The following PCDH9 variants were observed in gnomAD, a reference collection of about 807,000 sequenced individuals.
The protein encoded by PCDH9 is protocadherin-9.
Under a neutral mutation model 70.6 loss-of-function variants are expected in PCDH9, and 24 were observed. That is an observed-to-expected ratio of 0.34 (90% CI 0.25 to 0.48). The LOEUF is 0.48. Ranked by LOEUF, PCDH9 falls within the 20% of genes least tolerant of loss-of-function variation. PCDH9 has a pLI of 0.99. For missense variants in PCDH9, 1,281 were observed against 1,503.6 expected (o/e 0.85, Z 2.45); for synonymous variants, 562 against 558.5 (o/e 1.01, Z -0.09).
intron 4 of PCDH9, among the ~76,000 whole-genome samples, chr13:66,398,533 A>G (rs1286207646): frequency 6.6e-6 from 1 of 152,156 alleles, no homozygotes; most frequent in East Asian, 1.9e-4. Flanking sequence ...GATATGTTAA[A>G]TTGGTATTTC....
intron 2 of PCDH9, among the ~76,000 whole-genome samples, chr13:67,134,900 TGTTG>T (rs1424744122): frequency 5.3e-5 from 8 of 152,088 alleles, no homozygotes; most frequent in Admixed American, 4.6e-4. Context: ...AGTCACGCTG[TGTTG>T]GTTGATTTTT....
chr13:66,535,173 C>A (rs1448129170), intron 4 of PCDH9, among the ~76,000 whole-genome samples: 1 of 151,940 alleles, frequency 6.6e-6, no homozygotes, highest in East Asian at 1.9e-4. Context: ...AAATTATATT[C>A]TTCAGAACAT....
intron 4 of PCDH9, among the ~76,000 whole-genome samples, chr13:66,395,832 C>CT (rs1311377081): frequency 2.0e-5 from 3 of 151,942 alleles, no homozygotes; most frequent in African/African-American, 4.8e-5. Flanking sequence ...CTTATAGTAT[C>CT]TTTTTTTGTG....
In PCDH9 at chr13:66,304,808, G is replaced by A; in HGVS notation, c.3561C>T (p.Ser1187=). Residue 1187 remains serine, a synonymous_variant, in exon 5 of 5, where the codon AGC becomes AGT. Coordinates refer to ENST00000377865, the MANE Select transcript of PCDH9 (RefSeq NM_203487.3). ...HTLTRAWKED[S]NRNQFNDRKQ... is the part of the protein sequence containing the mutation. ...TACGGTCATTGAACTGGTTCCTGTTGCTGTCTTCTTTCCAGGCTCTGGTCA... is the reference window on the plus strand; with the variant it reads ...TACGGTCATTGAACTGGTTCCTGTTACTGTCTTCTTTCCAGGCTCTGGTCA... 6.2e-7 allele frequency: 1 copy of A among 1,613,502 alleles called. No individual in the cohort carries two copies. Among genetic ancestry groups the A allele is most frequent in the East Asian group, 2.2e-5 (1 of 44,846 alleles).
chr13:66,946,630 T>G (rs2139693188), intron 2 of PCDH9, among the ~76,000 whole-genome samples: 1 of 152,232 alleles, frequency 6.6e-6, no homozygotes, highest in South Asian at 2.1e-4. Context: ...TACTAAATTA[T>G]AACAGCTTTT....
intron 4 of PCDH9, among the ~76,000 whole-genome samples, chr13:66,560,851 T>G (rs776941439): frequency 2.0e-5 from 3 of 152,228 alleles, no homozygotes; most frequent in Non-Finnish European, 4.4e-5. Context: ...AGTCCGGAAT[T>G]CTACAAGAAT....
rs545503741 is a variant in PCDH9 at position 67,164,095 on chromosome 13, G to A, written c.3036+61310C>T. ...ACATCTTCTAGTTATTACTAAATGT[G>A]TGTGCACCTTCACATAATGCAATCA... On this transcript the variant is annotated intron_variant, in intron 2 of 4. Coordinates refer to ENST00000377865, the MANE Select transcript of PCDH9 (RefSeq NM_203487.3). 5.3e-5 allele frequency among the ~76,000 whole-genome samples: 8 copies of A among 152,204 alleles called. No homozygotes were observed. In the East Asian group the frequency reaches 7.7e-4, roughly 15 times the overall value.
intron 3 of PCDH9, among the ~76,000 whole-genome samples, chr13:66,786,524 G>A (rs576433048): frequency 3.9e-5 from 6 of 152,172 alleles, no homozygotes; most frequent in Admixed American, 3.3e-4. Context: ...TCTCAGTGAC[G>A]TTATTGAGCT....
At chr13:67,071,906 A>G (rs2085772717) in intron 2 of PCDH9, among the ~76,000 whole-genome samples, 1 of 151,578 alleles carries the variant, frequency 6.6e-6, no homozygotes, top group East Asian at 1.9e-4. Flanking sequence ...AAAAAAAAAA[A>G]AAGAGAGAAT....
chr13:66,435,046 C>T (rs1957843634), intron 4 of PCDH9, among the ~76,000 whole-genome samples: 1 of 152,088 alleles, frequency 6.6e-6, no homozygotes, highest in Non-Finnish European at 1.5e-5. Context: ...TCAAGGAAGG[C>T]ATTCCAAGGA....
intron 4 of PCDH9, among the ~76,000 whole-genome samples, chr13:66,481,927 CA>C (rs1958845910): frequency 1.4e-5 from 2 of 144,610 alleles, no homozygotes; most frequent in South Asian, 4.5e-4. Flanking sequence ...ATCATAAGTC[CA>C]AATACACATG....
intron 2 of PCDH9, among the ~76,000 whole-genome samples, chr13:66,918,633 A>T (rs945846443): frequency 6.7e-4 from 102 of 151,298 alleles, no homozygotes; most frequent in African/African-American, 2.4e-3. Flanking sequence ...TCTTGTAAAA[A>T]AATAGAGAAG....
intron 3 of PCDH9, among the ~76,000 whole-genome samples, chr13:66,876,629 G>C (rs1406658183): frequency 1.3e-5 from 2 of 152,082 alleles, no homozygotes; most frequent in Non-Finnish European, 2.9e-5. Flanking sequence ...TACACTGTCT[G>C]TAGCCTAATT....
At chr13:66,711,581 T>C (rs1365513793) in intron 3 of PCDH9, among the ~76,000 whole-genome samples, 2 of 152,174 alleles carry the variant, frequency 1.3e-5, no homozygotes, top group Non-Finnish European at 2.9e-5. Flanking sequence ...TGTTATTTCA[T>C]GTTCATGTTT....
chr13:67,162,272 T>C (rs1031358895), intron 2 of PCDH9, among the ~76,000 whole-genome samples: 1 of 152,220 alleles, frequency 6.6e-6, no homozygotes, highest in Non-Finnish European at 1.5e-5. Context: ...CTTCTTGAAT[T>C]GTAGTTCTAG....
rs569667462 is a variant in PCDH9, at chr13:66,934,801, A to G, written c.3037-31196T>C. On this transcript the variant is annotated intron_variant, in intron 2 of 4. Coordinates refer to ENST00000377865, the MANE Select transcript of PCDH9 (RefSeq NM_203487.3). ...AGTGGCGCGATCTCGGCTCACTGCA[A>G]GCTCCGCCTCCCGGGTTCACGCCAT... Among the ~76,000 whole-genome samples the G allele has an allele frequency of 4.2e-3, 495 of 117,474 alleles. 2 individuals are homozygous for G. Among genetic ancestry groups the G allele is most frequent in the Admixed American group, 5.6e-3 (48 of 8,570 alleles). The allele number at this position is 117,474 out of a possible 152,430, so 77.1% of individuals were successfully genotyped here. A position where few individuals can be genotyped will look rare whatever the true frequency, so the allele number is the denominator to read the frequency against.
At position 66,666,114 on chromosome 13, in the gene PCDH9, G is replaced by A. The variant is rs866402577; in HGVS notation, c.3139-34703C>T. On this transcript the variant is annotated intron_variant, in intron 3 of 4. Coordinates refer to ENST00000377865, the MANE Select transcript of PCDH9 (RefSeq NM_203487.3). The stretch of plus-strand genomic sequence containing the variant: ...GCCACTGTGTGTGAATGCAGGAGCC[G>A]TGACCAGAAGCCAGGCTTAGTCAGA... 5.3e-5 allele frequency among the ~76,000 whole-genome samples: 8 copies of A among 152,222 alleles called. No homozygotes were observed. The South Asian group carries it at 8.3e-4, about 16-fold the overall frequency.
intron 3 of PCDH9, among the ~76,000 whole-genome samples, chr13:66,727,759 A>C (rs2079024322): frequency 1.3e-5 from 2 of 152,070 alleles, no homozygotes; most frequent in Non-Finnish European, 2.9e-5. Context: ...TTGATATTGA[A>C]ATTAATATAA....
At chr13:66,847,401 T>G (rs1304150569) in intron 3 of PCDH9, among the ~76,000 whole-genome samples, 1 of 152,194 alleles carries the variant, frequency 6.6e-6, no homozygotes, top group African/African-American at 2.4e-5. Context: ...AGTGGGTGCC[T>G]GAAACTGCAG....
Sources: allele counts gnomAD v4.1 joint callset (sites outside exome capture counted in the v4.1 genomes callset), GRCh38; gene constraint gnomAD v4.1.1; transcripts MANE v1.5; gene names NCBI Gene and HGNC (gene_info 2026-07-23, HGNC 2026-07-21).